PCDHGA8: variants seen among roughly 807,000 people sequenced by gnomAD.
The protein encoded by PCDHGA8 is protocadherin gamma-A8.
Under a neutral mutation model 59.2 loss-of-function variants are expected in PCDHGA8, and 45 were observed. The ratio of observed to expected loss-of-function variants is 0.76; its 90% CI spans 0.60 to 0.98. PCDHGA8 has a LOEUF of 0.98. Among genes scored for constraint, PCDHGA8 ranks in the 50% least tolerant of loss-of-function variants. The pLI is 0.00. For missense variants in PCDHGA8, 1,257 were observed against 1,196.2 expected (o/e 1.05, Z -0.75); for synonymous variants, 531 against 519.0 (o/e 1.02, Z -0.32).
chr5:141,487,135 A>G lies in PCDHGA8; in HGVS notation c.2425-7672A>G. 6.2e-7 allele frequency: 1 copy of G among 1,613,544 alleles called. No individual in the cohort carries two copies. The highest frequency in any genetic ancestry group is 8.5e-7 in the Non-Finnish European group (1 of 1,179,856). ...TGGTAAAGGATAGTGGTAGTCCACC[A>G]CTCTCTACCTCTGTTACTCTCTTAG... On this transcript the variant is annotated intron_variant, in intron 1 of 3. Transcript: ENST00000398604. The surrounding 1 kb of genome is among the most constrained non-coding windows in gnomAD (Gnocchi z 5.0).
At position 141,476,251 on chromosome 5, in the gene PCDHGA8, C is replaced by T; in HGVS notation, c.2425-18556C>T. On this transcript the variant is annotated intron_variant, in intron 1 of 3. Coordinates refer to ENST00000398604, the MANE Select transcript of PCDHGA8 (RefSeq NM_032088.2). This position sits in a 1 kb window ranked among gnomAD's most constrained non-coding sequence, Gnocchi z 7.6. The stretch of plus-strand genomic sequence containing the variant: ...TCCCGGAGGAAAGAGAGAAGGGTTT[C>T]GCTGTGGGCAACGTGGTCGCGAACC... 1 of 1,613,866 alleles carries T rather than the reference C, an allele frequency of 6.2e-7. No homozygotes were observed. The highest frequency in any genetic ancestry group is 8.5e-7 in the Non-Finnish European group (1 of 1,179,978).
At position 141,486,230 on chromosome 5, in the gene PCDHGA8, A is replaced by G. The variant is rs1463946178; in HGVS notation, c.2425-8577A>G. ...TGACAATGCCCCTTACATCACAGTG[A>G]CCTCAGAGCTTGGAACCCTCCCCGA... On this transcript the variant is annotated intron_variant, in intron 1 of 3. Coordinates refer to ENST00000398604, the MANE Select transcript of PCDHGA8 (RefSeq NM_032088.2). This position sits in a 1 kb window ranked among gnomAD's most constrained non-coding sequence, Gnocchi z 5.0. 2 of 1,613,898 alleles carry G rather than the reference A, an allele frequency of 1.2e-6. No individual in the cohort carries two copies. The highest frequency in any genetic ancestry group is 2.2e-5 in the East Asian group (1 of 44,878).
chr5:141,458,695 G>T (rs551105765), intron 1 of PCDHGA8, among the ~76,000 whole-genome samples: 2 of 151,734 alleles, frequency 1.3e-5, no homozygotes, highest in Non-Finnish European at 2.9e-5. Context: ...TCAGCCTCCC[G>T]AGTAGCTGGG....
intron 1 of PCDHGA8, among the ~76,000 whole-genome samples, chr5:141,473,611 G>C (rs2099325261): frequency 6.6e-6 from 1 of 152,140 alleles, no homozygotes; most frequent in Non-Finnish European, 1.5e-5. Context: ...GCAAAGCAAA[G>C]GGAGGGAGGA....
chr5:141,458,018 A>G (rs1361716104), intron 1 of PCDHGA8, among the ~76,000 whole-genome samples: 1 of 152,188 alleles, frequency 6.6e-6, no homozygotes, highest in Admixed American at 6.5e-5. Flanking sequence ...GGTTTTTCCA[A>G]TTGTGTTCTG....
intron 1 of PCDHGA8, chr5:141,428,388 C>G (rs1299321513): frequency 4.0e-6 from 2 of 506,160 alleles, no homozygotes; most frequent in Non-Finnish European, 7.3e-6. Context: ...GCTCTTCCAG[C>G]CCCTCTGCCT....
chr5:141,401,106 G>A (rs1259844433), intron 1 of PCDHGA8, among the ~76,000 whole-genome samples: 5 of 152,208 alleles, frequency 3.3e-5, no homozygotes, highest in African/African-American at 9.6e-5. Context: ...CACTTTGGGA[G>A]GCCGAGGCGG....
Position 141,392,864 on chromosome 5 carries a change from C to T in PCDHGA8, c.51C>T (p.Cys17=), listed in dbSNP as rs1328545217. ...RPRRGELILL[C]ALLGTLWEIG... The stretch of plus-strand genomic sequence containing the variant: ...GACGCGGCGAGCTGATCCTGCTGTG[C>T]GCGCTGCTGGGAACGCTGTGGGAAA... The change falls in exon 1 of 4, where the codon TGC becomes TGT. Residue 17 remains cysteine, a synonymous_variant. Transcript: ENST00000398604. 2 of 1,612,536 alleles carry T rather than the reference C, an allele frequency of 1.2e-6. No individual in the cohort carries two copies. The highest frequency in any genetic ancestry group is 1.7e-6 in the Non-Finnish European group (2 of 1,179,490).
chr5:141,491,311 A>G lies in PCDHGA8; in HGVS notation c.2425-3496A>G. On this transcript the variant is annotated intron_variant, in intron 1 of 3. Transcript: ENST00000398604. This position sits in a 1 kb window ranked among gnomAD's most constrained non-coding sequence, Gnocchi z 6.9. The stretch of plus-strand genomic sequence containing the variant: ...ACACCCTCCTGAGCGTTCAGACCTT[A>G]CCCTTTACCTCATTGTGGCTCTAGC... 1 of 1,613,932 alleles carries G rather than the reference A, an allele frequency of 6.2e-7. No homozygotes were observed. Among genetic ancestry groups the G allele is most frequent in the Non-Finnish European group, 8.5e-7 (1 of 1,179,940 alleles).
chr5:141,427,711 A>G, intron 1 of PCDHGA8: 1 of 1,036,496 alleles, frequency 9.6e-7, no homozygotes. Context: ...AGCGCCTCTG[A>G]CCTGGACCTA....
intron 1 of PCDHGA8, chr5:141,399,784 G>A: frequency 6.2e-7 from 1 of 1,613,288 alleles, no homozygotes; most frequent in Non-Finnish European, 8.5e-7. Context: ...CGACCGAAAC[G>A]ACAACGCACC....
In PCDHGA8 at chr5:141,489,153, G is replaced by A; in HGVS notation, c.2425-5654G>A. The A allele has an allele frequency of 1.1e-6, 1 of 935,832 alleles. No homozygotes were observed. The highest frequency in any genetic ancestry group is 1.6e-6 in the Non-Finnish European group (1 of 627,178). 58.0% of individuals were successfully genotyped at this position (935,832 alleles called of 1,614,324 possible). A position where few individuals can be genotyped will look rare whatever the true frequency, so the allele number is the denominator to read the frequency against. ...TTTAAGAGGCTGGAAGGAGACATAA[G>A]AGACTTCAGCTGCTGCATTCCAAGC... On this transcript the variant is annotated intron_variant, in intron 1 of 3. Coordinates refer to ENST00000398604, the MANE Select transcript of PCDHGA8 (RefSeq NM_032088.2). This position sits in a 1 kb window ranked among gnomAD's most constrained non-coding sequence, Gnocchi z 4.5.
chr5:141,403,217 A>G (rs763517467), intron 1 of PCDHGA8: 10 of 1,613,810 alleles, frequency 6.2e-6, no homozygotes, highest in East Asian at 2.2e-5. Context: ...CACCGCGGGT[A>G]GGATAGACCG....
At chr5:141,452,511 A>G (rs573632978) in intron 1 of PCDHGA8, among the ~76,000 whole-genome samples, 1 of 152,056 alleles carries the variant, frequency 6.6e-6, no homozygotes, top group South Asian at 2.1e-4. Context: ...TTGTACACAC[A>G]CTCCCTCAAA....
chr5:141,408,061 G>C, intron 1 of PCDHGA8: 1 of 1,332,898 alleles, frequency 7.5e-7, no homozygotes, highest in Non-Finnish European at 1.0e-6. Flanking sequence ...CCTCCCGGCT[G>C]CGCAGACCTT....
At chr5:141,416,406 T>A (rs2096021956) in intron 1 of PCDHGA8, 1 of 152,224 alleles carries the variant, frequency 6.6e-6, no homozygotes, top group Admixed American at 6.5e-5. Context: ...TTGTCTTTTT[T>A]GTTAAATTTT....
At chr5:141,400,237 A>AT in intron 1 of PCDHGA8, 3 of 1,613,870 alleles carry the variant, frequency 1.9e-6, no homozygotes, top group Non-Finnish European at 2.5e-6. Flanking sequence ...CCTGGCCGTG[A>AT]TTCTGGCCGT....
At chr5:141,488,784 T>C (rs116057353) in intron 1 of PCDHGA8, among the ~76,000 whole-genome samples, 1 of 152,248 alleles carries the variant, frequency 6.6e-6, no homozygotes, top group African/African-American at 2.4e-5. Flanking sequence ...TTGTATCACT[T>C]TGTCTTCCCT....
intron 1 of PCDHGA8, chr5:141,408,082 G>C (rs890768118): frequency 2.1e-6 from 3 of 1,417,248 alleles, no homozygotes; most frequent in Non-Finnish European, 1.9e-6. Flanking sequence ...TCCCAGCACA[G>C]CGGATTGCCA....
Sources: gnomAD v4.1 joint callset for allele counts (sites outside exome capture counted in the v4.1 genomes callset) on GRCh38, gnomAD v4.1.1 for gene constraint, Gnocchi (gnomAD v3.1) non-coding constraint, MANE v1.5 for transcripts, NCBI Gene and HGNC (gene_info 2026-07-23, HGNC 2026-07-21) for gene names.